Variants in OR52W1 observed in about 807,000 individuals in gnomAD.
OR52W1 encodes olfactory receptor 52W1.
For missense variants in OR52W1, 418 were observed against 391.9 expected (o/e 1.07, Z -0.56); for synonymous variants, 158 against 165.1 (o/e 0.96, Z 0.33).
rs982772137 is a variant in OR52W1, at chr11:6,200,090, G to A, written c.867G>A (p.Leu289=). The part of the protein sequence containing the change: ...HILLSNIYLL[L]PPALNPLIYG... ...TTCTCTCCAACATCTACTTGCTGCT[G>A]CCACCTGCCCTCAACCCCCTCATCT... The change falls in exon 1 of 1, where the codon CTG becomes CTA. Residue 289 remains leucine (L), a synonymous_variant. Coordinates refer to ENST00000311352, the MANE Select transcript of OR52W1 (RefSeq NM_001005178.1). 6 of 1,613,156 alleles carry A rather than the reference G, an allele frequency of 3.7e-6. No homozygotes were observed. Among genetic ancestry groups the A allele is most frequent in the Non-Finnish European group, 5.1e-6 (6 of 1,180,024 alleles).
rs779354546 is a variant in OR52W1 at position 6,200,097 on chromosome 11, G to C, written c.874G>C (p.Ala292Pro). ...LSNIYLLLPP[A>P]LNPLIYGART... is the part of the protein sequence containing the mutation. ...CAACATCTACTTGCTGCTGCCACCT[G>C]CCCTCAACCCCCTCATCTATGGGGC... Residue 292 changes from alanine to proline, a missense_variant, in exon 1 of 1, where the codon GCC becomes CCC. By Grantham distance (27) the Ala-to-Pro change is conservative. Transcript: ENST00000311352. 2.4e-5 allele frequency: 38 copies of C among 1,612,876 alleles called. No homozygotes were observed. The African/African-American group carries it at 4.1e-4, about 18-fold the overall frequency.
In OR52W1 at chr11:6,200,025, C is replaced by T. The variant is rs776198176; in HGVS notation, c.802C>T (p.Arg268Cys). 14 of 1,613,990 alleles carry T rather than the reference C, an allele frequency of 8.7e-6. No homozygotes were observed. The highest frequency in any genetic ancestry group is 1.1e-5 in the Non-Finnish European group (13 of 1,180,012). ...IPGLFSYLTHRFGHHTVPKPV... is the reference protein window; with the variant it reads ...IPGLFSYLTHCFGHHTVPKPV... ...TGGTCTCTTCTCCTACCTCACACACCGCTTTGGTCATCACACTGTCCCAAA... is the reference window on the plus strand; with the variant it reads ...TGGTCTCTTCTCCTACCTCACACACTGCTTTGGTCATCACACTGTCCCAAA... The change falls in exon 1 of 1, where the codon CGC becomes TGC. Residue 268 changes from arginine (R) to cysteine (C), a missense_variant. Coordinates refer to ENST00000311352, the MANE Select transcript of OR52W1 (RefSeq NM_001005178.1).
Position 6,199,243 on chromosome 11 carries a change from T to G in OR52W1, c.20T>G (p.Leu7Arg). MAETLQ[L>R]NSTFLHPNFF... ...CACAGAATGGCAGAAACTCTACAACTCAATTCCACCTTCCTACACCCAAAC... is the reference window on the plus strand; with the variant it reads ...CACAGAATGGCAGAAACTCTACAACGCAATTCCACCTTCCTACACCCAAAC... Residue 7 changes from leucine (L) to arginine (R), a missense_variant, in exon 1 of 1, where the codon CTC (leucine) becomes CGC (arginine). Leu to Arg is a moderately radical substitution (Grantham distance 102). Transcript: ENST00000311352. The G allele has an allele frequency of 6.2e-7, 1 of 1,612,064 alleles. No homozygotes were observed. Among genetic ancestry groups the G allele is most frequent in the Non-Finnish European group, 8.5e-7 (1 of 1,178,824 alleles).
chr11:6,199,894 G>C lies in OR52W1; in HGVS notation c.671G>C (p.Gly224Ala). 6.2e-7 allele frequency: 1 copy of C among 1,614,116 alleles called. No homozygotes were observed. The highest frequency in any genetic ancestry group is 8.5e-7 in the Non-Finnish European group (1 of 1,179,966). Residue 224 changes from glycine (G) to alanine (A), a missense_variant, in exon 1 of 1, where the codon GGA (glycine) becomes GCA (alanine). By Grantham distance (60) the Gly-to-Ala change is moderately conservative. Transcript: ENST00000311352. ...ATTCTGGGTATCACTGGCTCCTATGGACTCATTGCCCATGCTGTGCTGCAG... is the reference window on the plus strand; with the variant it reads ...ATTCTGGGTATCACTGGCTCCTATGCACTCATTGCCCATGCTGTGCTGCAG... The part of the protein sequence containing the change: ...MDILGITGSY[G>A]LIAHAVLQLP...
chr11:6,199,470 G>C lies in OR52W1; in HGVS notation c.247G>C (p.Ala83Pro). 6.2e-7 allele frequency: 1 copy of C among 1,614,236 alleles called. No individual in the cohort carries two copies. The highest frequency in any genetic ancestry group is 8.5e-7 in the Non-Finnish European group (1 of 1,180,042). Reference protein sequence around the residue: ...ATDLGLATSIAPGLLAVLWLG... With the variant: ...ATDLGLATSIPPGLLAVLWLG... ...AGACCTGGGCTTAGCCACATCTATA[G>C]CCCCAGGGTTGCTGGCTGTGCTGTG... The change falls in exon 1 of 1, where the codon GCC becomes CCC. Residue 83 changes from alanine (A) to proline (P), a missense_variant. Coordinates refer to ENST00000311352, the MANE Select transcript of OR52W1 (RefSeq NM_001005178.1).
chr11:6,199,795 A>T lies in OR52W1; in HGVS notation c.572A>T (p.Glu191Val). The T allele has an allele frequency of 6.2e-7, 1 of 1,614,202 alleles. No homozygotes were observed. The highest frequency in any genetic ancestry group is 8.5e-7 in the Non-Finnish European group (1 of 1,180,028). The change falls in exon 1 of 1, where the codon GAA (glutamate) becomes GTA (valine). Residue 191 changes from glutamate (E) to valine (V), a missense_variant. Physicochemically the swap from Glu to Val is moderately radical, Grantham distance 121. Transcript: ENST00000311352. ...TATTGTGCACACATGGCAGTGGTAGAACTGGTGGTGGGTAACACACAGGCC... is the reference window on the plus strand; with the variant it reads ...TATTGTGCACACATGGCAGTGGTAGTACTGGTGGTGGGTAACACACAGGCC... Reference protein sequence around the residue: ...HTYCAHMAVVELVVGNTQATN... With the variant: ...HTYCAHMAVVVLVVGNTQATN...
In OR52W1 at chr11:6,199,353, C is replaced by A. The variant is rs779296446; in HGVS notation, c.130C>A (p.Leu44Met). The A allele has an allele frequency of 8.1e-6, 13 of 1,614,202 alleles. No homozygotes were observed. The highest frequency in any genetic ancestry group is 1.6e-4 in the Middle Eastern group (1 of 6,062). ...CTTTGGGCCCATTTATCTGCTGGCC[C>A]TGCTGGGCAATGGAGCACTGCCGGC... ...LVFGPIYLLA[L>M]LGNGALPAVV... The change falls in exon 1 of 1, where the codon CTG becomes ATG. Residue 44 changes from leucine to methionine, a missense_variant. Leu to Met is a conservative substitution (Grantham distance 15). Transcript: ENST00000311352.
rs938344976 is a variant in OR52W1 at position 6,200,107 on chromosome 11, C to A, written c.884C>A (p.Pro295His). The change falls in exon 1 of 1, where the codon CCC (proline) becomes CAC (histidine). Residue 295 changes from proline to histidine, a missense_variant. Pro to His is a moderately conservative substitution (Grantham distance 77). Coordinates refer to ENST00000311352, the MANE Select transcript of OR52W1 (RefSeq NM_001005178.1). ...TTGCTGCTGCCACCTGCCCTCAACC[C>A]CCTCATCTATGGGGCCCGCACCAAG... ...IYLLLPPALN[P>H]LIYGARTKQI... 3 of 1,574,100 alleles carry A rather than the reference C, an allele frequency of 1.9e-6. No homozygotes were observed. In the Admixed American group the frequency reaches 5.0e-5, roughly 26 times the overall value.
Sources: allele counts gnomAD v4.1 joint callset, GRCh38; gene constraint gnomAD v4.1.1; transcripts MANE v1.5; gene names NCBI Gene and HGNC (gene_info 2026-07-23, HGNC 2026-07-21).